EEFSEC: variants seen among roughly 807,000 people sequenced by gnomAD.
The protein encoded by EEFSEC is selenocysteine-specific elongation factor.
Under a neutral mutation model 42.1 loss-of-function variants are expected in EEFSEC, and 43 were observed. The observed-to-expected ratio is 1.02, with a 90% CI of 0.80 to 1.32. EEFSEC has a LOEUF of 1.32. Among genes scored for constraint, EEFSEC ranks in the 40% most tolerant of loss-of-function variants. The pLI is 0.00. For missense variants in EEFSEC, 745 were observed against 803.6 expected, an observed-to-expected ratio of 0.93 and a Z score of 0.88; for synonymous variants, 354 against 339.1, an observed-to-expected ratio of 1.04 and a Z score of -0.48.
At position 128,341,465 on chromosome 3, in the gene EEFSEC, G is replaced by T. The variant is rs2067251318; in HGVS notation, c.1019G>T (p.Gly340Val). The change falls in exon 5 of 7, where the codon GGC becomes GTC. Residue 340 changes from glycine to valine, a missense_variant. Coordinates refer to ENST00000254730, the MANE Select transcript of EEFSEC (RefSeq NM_021937.5). Reference sequence around the variant, plus strand: ...AAGGCCAAGTTCCACATTACAGTGGGCCATGAAACAGTCATGGGCCGGTTG... The same window carrying T: ...AAGGCCAAGTTCCACATTACAGTGGTCCATGAAACAGTCATGGGCCGGTTG... ...QTKAKFHITV[G>V]HETVMGRLMF... 1.2e-6 allele frequency: 2 copies of T among 1,614,074 alleles called. No homozygotes were observed. The highest frequency in any genetic ancestry group is 1.7e-5 in the Admixed American group (1 of 60,016).
chr3:128,413,755 C>T, the EEFSEC span, among the ~76,000 whole-genome samples: 1 of 152,202 alleles, frequency 6.6e-6, no homozygotes, highest in African/African-American at 2.4e-5. Context: ...GGCCTCACCC[C>T]CCAAGGTCAT....
chr3:128,327,173 G>T (rs1211395205), intron 4 of EEFSEC, among the ~76,000 whole-genome samples: 1 of 152,020 alleles, frequency 6.6e-6, no homozygotes, highest in African/African-American at 2.4e-5. Context: ...CCCTGTCTTT[G>T]TGATTATTCC....
At chr3:128,319,472 A>G (rs1438292728) in intron 4 of EEFSEC, among the ~76,000 whole-genome samples, 1 of 152,174 alleles carries the variant, frequency 6.6e-6, no homozygotes, top group East Asian at 1.9e-4. Context: ...TCATGGGCCG[A>G]TTTTTATTTG....
intron 6 of EEFSEC, among the ~76,000 whole-genome samples, chr3:128,368,871 G>C (rs2067621667): frequency 6.6e-6 from 1 of 152,270 alleles, no homozygotes; most frequent in Admixed American, 6.5e-5. Flanking sequence ...AACCCAAGGG[G>C]CTGGGCCCCC....
At chr3:128,217,801 G>A (rs1216679837) in intron 1 of EEFSEC, among the ~76,000 whole-genome samples, 15 of 152,170 alleles carry the variant, frequency 9.9e-5, no homozygotes, top group Admixed American at 9.2e-4. Flanking sequence ...AGCATCATGG[G>A]GAGTAGGGAG....
intron 4 of EEFSEC, among the ~76,000 whole-genome samples, chr3:128,328,794 G>A (rs1047677186): frequency 4.6e-5 from 7 of 152,150 alleles, no homozygotes; most frequent in Non-Finnish European, 7.4e-5. Context: ...GTGCCTCGCC[G>A]TTTTACAGGG....
intron 4 of EEFSEC, among the ~76,000 whole-genome samples, chr3:128,267,944 G>A (rs1559894248): frequency 6.6e-6 from 1 of 152,214 alleles, no homozygotes; most frequent in Non-Finnish European, 1.5e-5. Flanking sequence ...CTTGACAAAT[G>A]AATAAAAAGC....
At chr3:128,308,435 A>G (rs935523439) in intron 4 of EEFSEC, among the ~76,000 whole-genome samples, 4 of 152,178 alleles carry the variant, frequency 2.6e-5, no homozygotes, top group African/African-American at 9.7e-5. Context: ...TCCAAGTACT[A>G]ATTTCTGATC....
At chr3:128,387,316 C>T (rs1365562223) in intron 6 of EEFSEC, among the ~76,000 whole-genome samples, 1 of 152,198 alleles carries the variant, frequency 6.6e-6, no homozygotes, top group Admixed American at 6.5e-5. Flanking sequence ...ATAAAAATAT[C>T]CACATGTCCT....
chr3:128,262,220 T>C lies in EEFSEC; in HGVS notation c.617T>C (p.Ile206Thr), dbSNP rs568685973. The stretch of plus-strand genomic sequence containing the variant: ...GCTCCACAGGGCATTCCAGAGCTCA[T>C]TGAGGTACTGTCATCTTGAATCCAG... The part of the protein sequence containing the change: ...TEAPQGIPEL[I>T]ELLTSQISIP... The change falls in exon 3 of 7, where the codon ATT becomes ACT. Residue 206 changes from isoleucine (I) to threonine (T), a missense_variant. Coordinates refer to ENST00000254730, the MANE Select transcript of EEFSEC (RefSeq NM_021937.5). 1.3e-5 allele frequency: 21 copies of C among 1,613,820 alleles called. No individual in the cohort carries two copies. Among genetic ancestry groups the C allele is most frequent in the Admixed American group, 1.7e-5 (1 of 59,998 alleles).
chr3:128,177,992 A>G (rs1254281118), intron 1 of EEFSEC, among the ~76,000 whole-genome samples: 1 of 152,188 alleles, frequency 6.6e-6, no homozygotes, highest in African/African-American at 2.4e-5. Context: ...TTGTTGACAA[A>G]CATGATAGAC....
At chr3:128,230,074 C>T (rs907321567) in intron 1 of EEFSEC, among the ~76,000 whole-genome samples, 8 of 146,624 alleles carry the variant, frequency 5.5e-5, no homozygotes, top group Non-Finnish European at 1.1e-4. Context: ...TTTTCTTTCT[C>T]GCCCGCTTTC....
chr3:128,169,919 G>A (rs1284117238), intron 1 of EEFSEC, among the ~76,000 whole-genome samples: 1 of 152,136 alleles, frequency 6.6e-6, no homozygotes, highest in Non-Finnish European at 1.5e-5. Context: ...CCCCTTTCCT[G>A]CGGGGCTGCC....
At chr3:128,419,257 GA>G in the EEFSEC span, among the ~76,000 whole-genome samples, 1 of 151,948 alleles carries the variant, frequency 6.6e-6, no homozygotes, top group African/African-American at 2.4e-5. Flanking sequence ...TGAAACAGGA[GA>G]AAAAAAATGG....
rs75705779 is a variant in EEFSEC at position 128,221,514 on chromosome 3, C to T, written c.317-25322C>T. 8.0e-4 allele frequency among the ~76,000 whole-genome samples: 122 copies of T among 152,324 alleles called. 1 individual carries two copies. The East Asian group carries it at 0.019, about 24-fold the overall frequency. ...TCAGATGCAGGCCTCATATCTTCATCACTGGTGCTAATGGAAATCCTCAGC... is the reference window on the plus strand; with the variant it reads ...TCAGATGCAGGCCTCATATCTTCATTACTGGTGCTAATGGAAATCCTCAGC... On this transcript the variant is annotated intron_variant, in intron 1 of 6. Transcript: ENST00000254730.
chr3:128,164,203 C>T (rs867158345), intron 1 of EEFSEC, among the ~76,000 whole-genome samples: 7 of 152,178 alleles, frequency 4.6e-5, no homozygotes, highest in Non-Finnish European at 8.8e-5. Context: ...AGAGATTCTA[C>T]ACATACACGT....
At chr3:128,288,359 C>T (rs1210654943) in intron 4 of EEFSEC, among the ~76,000 whole-genome samples, 15 of 152,070 alleles carry the variant, frequency 9.9e-5, no homozygotes. Flanking sequence ...TATTCTAGAC[C>T]AGAAGAATAA....
the EEFSEC span, among the ~76,000 whole-genome samples, chr3:128,417,027 A>G: frequency 6.6e-6 from 1 of 152,092 alleles, no homozygotes; most frequent in Admixed American, 6.5e-5. This position sits in a 1 kb window ranked among gnomAD's most constrained non-coding sequence, Gnocchi z 4.3. Context: ...CCTGACCAGC[A>G]GCAGGTCCTG....
chr3:128,314,282 T>C (rs2066922247), intron 4 of EEFSEC, among the ~76,000 whole-genome samples: 2 of 152,220 alleles, frequency 1.3e-5, no homozygotes, highest in South Asian at 4.1e-4. Flanking sequence ...CTTTCTTTTT[T>C]CTCTCTGGTG....
Sources: allele counts gnomAD v4.1 joint callset (sites outside exome capture counted in the v4.1 genomes callset), GRCh38; gene constraint gnomAD v4.1.1; non-coding constraint Gnocchi (gnomAD v3.1); transcripts MANE v1.5; gene names NCBI Gene and HGNC (gene_info 2026-07-23, HGNC 2026-07-21).